BAG4: variants seen among roughly 807,000 people sequenced by gnomAD.
BAG4 encodes BAG cochaperone 4.
A neutral mutation model predicts 52.1 loss-of-function variants in BAG4; 28 were observed. The ratio of observed to expected loss-of-function variants is 0.54; its 90% CI spans 0.40 to 0.74. The LOEUF is 0.74. Ranked by LOEUF, BAG4 falls within the 30% of genes least tolerant of loss-of-function variation. BAG4 has a pLI of 0.00. For missense variants in BAG4, 525 were observed against 572.0 expected, an observed-to-expected ratio of 0.92 and a Z score of 0.84; for synonymous variants, 208 against 217.0, an observed-to-expected ratio of 0.96 and a Z score of 0.37.
Position 38,211,147 on chromosome 8 carries a change from A to G in BAG4, c.*654A>G, listed in dbSNP as rs2130695239. The G allele has an allele frequency of 6.7e-6, 1 of 149,218 alleles. No homozygotes were observed. The highest frequency in any genetic ancestry group is 2.0e-4 in the East Asian group (1 of 4,954). 9.2% of individuals were successfully genotyped at this position (149,218 alleles called of 1,614,324 possible). A position where few individuals can be genotyped will look rare whatever the true frequency, so the allele number is the denominator to read the frequency against. On this transcript the variant is annotated 3_prime_UTR_variant, in exon 5 of 5. Transcript: ENST00000287322. Reference sequence around the variant, plus strand: ...ACCACTTGAATATACTGCAATGTGTAGTGAGTAAATTGTCTCCCTTTTTCT... The same window carrying G: ...ACCACTTGAATATACTGCAATGTGTGGTGAGTAAATTGTCTCCCTTTTTCT...
At chr8:38,177,292 G>T (rs1463518099) in intron 1 of BAG4, among the ~76,000 whole-genome samples, 153 bp downstream of exon 1, 2 of 152,046 alleles carry the variant, frequency 1.3e-5, no homozygotes, top group Non-Finnish European at 2.9e-5. Context: ...GAGGTTGGGG[G>T]GACATGCTTG....
rs1803828246 is a variant in BAG4 at position 38,209,249 on chromosome 8, C to T, written c.870C>T (p.Pro290=). 3 of 1,614,182 alleles carry T rather than the reference C, an allele frequency of 1.9e-6. No individual in the cohort carries two copies. Among genetic ancestry groups the T allele is most frequent in the East Asian group, 4.5e-5 (2 of 44,878 alleles). ...SSGSPQSPPS[P]PVQQPKDSSY... ...GCTCTCCCCAGTCACCCCCTTCACC[C>T]CCAGTCCAGCAGCCCAAGGTAGGAG... The change falls in exon 4 of 5, where the codon CCC becomes CCT. Residue 290 remains proline, a synonymous_variant. Transcript: ENST00000287322.
rs373276244 is a variant in BAG4, at chr8:38,187,938, G to A, written c.271-4750G>A. On this transcript the variant is annotated intron_variant, in intron 1 of 4. Transcript: ENST00000287322. ...TGTAGTCCCAGCTACTTGGGAGGCT[G>A]AGGCAGGAGAATGGCATGAACCCGG... 1.2e-3 allele frequency among the ~76,000 whole-genome samples: 183 copies of A among 149,444 alleles called. 1 individual carries two copies. Among genetic ancestry groups the A allele is most frequent in the African/African-American group, 4.1e-3 (168 of 40,940 alleles).
At chr8:38,195,346 G>A (rs574304147) in intron 2 of BAG4, among the ~76,000 whole-genome samples, 80 of 152,014 alleles carry the variant, frequency 5.3e-4, no homozygotes, top group African/African-American at 1.9e-3. Flanking sequence ...TAGAGTTAGG[G>A]TTTCGCCATG....
In BAG4 at chr8:38,207,644, A is replaced by G. The variant is rs746656663; in HGVS notation, c.511A>G (p.Ser171Gly). Residue 171 changes from serine (S) to glycine (G), a missense_variant, in exon 3 of 5, where the codon AGT (serine) becomes GGT (glycine). Physicochemically the swap from Ser to Gly is moderately conservative, Grantham distance 56. This residue lies in a region of BAG4 where 287 missense variants were observed against 266.1 expected (regional missense o/e 1.08). Transcript: ENST00000287322. ...TQTSYSTEVP[S>G]TYRSSGNSPT... ...GACCAGTTACTCCACAGAAGTTCCA[A>G]GTACTTACCGTTCATCTGGCAACAG... is the stretch of plus-strand genomic sequence containing the variant. The G allele has an allele frequency of 6.2e-7, 1 of 1,614,082 alleles. No individual in the cohort carries two copies. Among genetic ancestry groups the G allele is most frequent in the Non-Finnish European group, 8.5e-7 (1 of 1,180,012 alleles).
intron 1 of BAG4, among the ~76,000 whole-genome samples, chr8:38,181,421 G>C (rs1427102911): frequency 6.6e-6 from 1 of 151,640 alleles, no homozygotes; most frequent in Non-Finnish European, 1.5e-5. Flanking sequence ...TTGGTACCCG[G>C]CCACTCCCTA....
intron 2 of BAG4, among the ~76,000 whole-genome samples, chr8:38,201,163 G>A (rs998319524): frequency 2.0e-5 from 3 of 152,148 alleles, no homozygotes; most frequent in African/African-American, 7.2e-5. Flanking sequence ...AAAAGCAACA[G>A]TAATAATGTG....
Position 38,196,522 on chromosome 8 carries a change from G to A in BAG4, c.378+3727G>A, listed in dbSNP as rs563307618. Among the ~76,000 whole-genome samples the A allele has an allele frequency of 5.9e-5, 9 of 151,626 alleles. No homozygotes were observed. The East Asian group carries it at 1.6e-3, about 26-fold the overall frequency. ...CAAAAAATTAGCCGGGCGTGGTGGC[G>A]GGCACCTGTAGTCCCAGCTACTTGG... is the stretch of plus-strand genomic sequence containing the variant. On this transcript the variant is annotated intron_variant, in intron 2 of 4. Transcript: ENST00000287322.
At chr8:38,205,275 C>G (rs1803752639) in intron 2 of BAG4, among the ~76,000 whole-genome samples, 1 of 125,854 alleles carries the variant, frequency 7.9e-6, no homozygotes, top group Admixed American at 1.1e-4. Flanking sequence ...TTCTCAGACT[C>G]CTGGGCTCAA....
At chr8:38,208,910 A>G (rs1563285998) in intron 3 of BAG4, 103 bp from the exon 4 acceptor site, 1 of 1,327,412 alleles carries the variant, frequency 7.5e-7, no homozygotes. Flanking sequence ...GCTAATGTAT[A>G]CTCTGTTAAG....
intron 1 of BAG4, among the ~76,000 whole-genome samples, chr8:38,185,089 CAA>C (rs1212526970): frequency 1.4e-4 from 14 of 101,388 alleles, no homozygotes; most frequent in African/African-American, 1.5e-4. Flanking sequence ...GACTCTGTCT[CAA>C]AAAAAAAAAA....
At chr8:38,178,116 T>C (rs373501380) in intron 1 of BAG4, among the ~76,000 whole-genome samples, 41 of 152,114 alleles carry the variant, frequency 2.7e-4, no homozygotes, top group African/African-American at 9.6e-4. Context: ...GTTCATAGCA[T>C]CATTATTCAT....
At chr8:38,200,760 G>A (rs958137218) in intron 2 of BAG4, among the ~76,000 whole-genome samples, 3 of 152,086 alleles carry the variant, frequency 2.0e-5, no homozygotes, top group Non-Finnish European at 2.9e-5. Flanking sequence ...CACCACGCCC[G>A]GCTAATTTTG....
At chr8:38,197,488 G>A (rs1324234594) in intron 2 of BAG4, among the ~76,000 whole-genome samples, 1 of 152,164 alleles carries the variant, frequency 6.6e-6, no homozygotes, top group African/African-American at 2.4e-5. Context: ...TATCACACTT[G>A]TACAGGGCAT....
At position 38,192,810 on chromosome 8, in the gene BAG4, CAG is replaced by C; in HGVS notation, c.378+19_378+20del. 6.5e-7 allele frequency: 1 copy of C among 1,547,518 alleles called. No homozygotes were observed. Among genetic ancestry groups the C allele is most frequent in the Non-Finnish European group, 8.8e-7 (1 of 1,141,288 alleles). On this transcript the variant is annotated intron_variant, in intron 2 of 4. Coordinates refer to ENST00000287322, the MANE Select transcript of BAG4 (RefSeq NM_004874.4). ...TGCAAGGCCAGGTATGGTTTAAAAACAGAGACTTTCTGAACTTTTTCTTAATG... is the reference window on the plus strand; with the variant it reads ...TGCAAGGCCAGGTATGGTTTAAAAACAGACTTTCTGAACTTTTTCTTAATG...
At chr8:38,203,097 C>A (rs1436885205) in intron 2 of BAG4, 1 of 152,116 alleles carries the variant, frequency 6.6e-6, no homozygotes. Context: ...TCATCCCCTA[C>A]ATATCTGGAG....
chr8:38,181,886 CAAAAAAAAAAAAAAAAAAAA>C (rs34268146), intron 1 of BAG4, among the ~76,000 whole-genome samples: 2 of 37,244 alleles, frequency 5.4e-5, no homozygotes, highest in African/African-American at 2.2e-4. Context: ...GAGACTATCT[CAAAAAAAAAAAAAAAAAAAA>C]AAAAAAAAAA....
chr8:38,179,067 A>AT (rs1803219489), intron 1 of BAG4, among the ~76,000 whole-genome samples: 1 of 152,256 alleles, frequency 6.6e-6, no homozygotes, highest in Non-Finnish European at 1.5e-5. Flanking sequence ...TGAATTGTAC[A>AT]TTTTAAAAGG....
At chr8:38,178,513 G>A (rs967204398) in intron 1 of BAG4, among the ~76,000 whole-genome samples, 1 of 152,230 alleles carries the variant, frequency 6.6e-6, no homozygotes, top group Non-Finnish European at 1.5e-5. Context: ...ACCTCTTGGA[G>A]CCCTGGTTCT....
Sources: gnomAD v4.1 joint callset for allele counts (sites outside exome capture counted in the v4.1 genomes callset) on GRCh38, gnomAD v4.1.1 for gene constraint, gnomAD v4.1.1 regional missense constraint, MANE v1.5 for transcripts, NCBI Gene and HGNC (gene_info 2026-07-23, HGNC 2026-07-21) for gene names.